Variants in BRWD1 observed in about 807,000 individuals in gnomAD.
The protein encoded by BRWD1 is bromodomain and WD repeat-containing protein 1.
A neutral mutation model predicts 251.2 loss-of-function variants in BRWD1; 82 were observed. The ratio of observed to expected loss-of-function variants is 0.33; its 90% CI spans 0.27 to 0.39. The LOEUF (loss-of-function observed/expected upper bound fraction) is 0.39, where lower values mean the gene tolerates loss of function less well. Among genes scored for constraint, BRWD1 ranks in the 10% least tolerant of loss-of-function variants. The pLI is 1.00. For missense variants in BRWD1, 2,233 were observed against 2,711.6 expected, an observed-to-expected ratio of 0.82 and a Z score of 3.92; for synonymous variants, 918 against 902.8, an observed-to-expected ratio of 1.02 and a Z score of -0.30.
intron 19 of BRWD1, 99 bp downstream of exon 19, chr21:39,255,546 C>T: frequency 1.0e-6 from 1 of 980,708 alleles, no homozygotes; most frequent in East Asian, 2.6e-5. Flanking sequence ...TATATTTATA[C>T]AATTATTTAC....
Position 39,187,095 on chromosome 21 carries a change from C to T in BRWD1, c.*9164G>A, listed in dbSNP as rs778784400. 5.6e-6 allele frequency: 9 copies of T among 1,603,236 alleles called. No homozygotes were observed. Among genetic ancestry groups the T allele is most frequent in the Non-Finnish European group, 6.8e-6 (8 of 1,177,406 alleles). ...GCATTTTTCTATTAATATCTTCTAG[C>T]TCTTTTTCACTTTCAGAATTTATGG... On this transcript the variant is annotated 3_prime_UTR_variant, in exon 41 of 41. Transcript: ENST00000342449.
At chr21:39,266,066 C>A (rs75803927) in intron 15 of BRWD1, among the ~76,000 whole-genome samples, 1 of 152,032 alleles carries the variant, frequency 6.6e-6, no homozygotes, top group Non-Finnish European at 1.5e-5. Flanking sequence ...CTAAATGTTA[C>A]GCGTTCGGTG....
At chr21:39,295,331 C>T (rs370406950) in intron 7 of BRWD1, among the ~76,000 whole-genome samples, 1 of 151,534 alleles carries the variant, frequency 6.6e-6, no homozygotes, top group Non-Finnish European at 1.5e-5. Context: ...GGACTACAGG[C>T]GCCCACCACC....
At chr21:39,284,457 A>C (rs919491758) in intron 8 of BRWD1, among the ~76,000 whole-genome samples, 3 of 152,212 alleles carry the variant, frequency 2.0e-5, no homozygotes, top group Admixed American at 6.5e-5. Flanking sequence ...CAGCCTGGGC[A>C]ACAGAGAGAG....
chr21:39,215,455 T>C, intron 31 of BRWD1, 93 bp from the exon 32 acceptor site: 3 of 1,119,392 alleles, frequency 2.7e-6, no homozygotes, highest in East Asian at 2.4e-5. Flanking sequence ...AACTGTGAAA[T>C]AATAATTAAA....
chr21:39,281,657 C>A (rs1199951403), intron 8 of BRWD1, among the ~76,000 whole-genome samples: 1 of 152,164 alleles, frequency 6.6e-6, no homozygotes, highest in East Asian at 1.9e-4. Context: ...TGGTGAAACA[C>A]CACCTCTACT....
Position 39,270,394 on chromosome 21 carries a change from T to C in BRWD1, c.1284A>G (p.Lys428=), listed in dbSNP as rs2035060335. 6.2e-7 allele frequency: 1 copy of C among 1,612,102 alleles called. No homozygotes were observed. Among genetic ancestry groups the C allele is most frequent in the Non-Finnish European group, 8.5e-7 (1 of 1,179,134 alleles). The part of the protein sequence containing the change: ...SSEEERFMKP[K]VTMIAWNQND... ...TTTGATTCCAAGCTATCATTGTTAC[T>C]TTAGGTTTCATAAACCTTTCCTCTT... is the stretch of plus-strand genomic sequence containing the variant. Residue 428 remains lysine (K), a synonymous_variant, in exon 14 of 41, where the codon AAA becomes AAG. Transcript: ENST00000342449.
At chr21:39,300,366 A>G (rs571764309) in intron 4 of BRWD1, among the ~76,000 whole-genome samples, 14 of 152,334 alleles carry the variant, frequency 9.2e-5, no homozygotes, top group African/African-American at 2.6e-4. Flanking sequence ...AGCAACCTAA[A>G]AAGTTGGCAG....
rs1025523925 is a variant in BRWD1 at position 39,270,301 on chromosome 21, T to C, written c.1377A>G (p.Gln459=). Reference sequence around the variant, plus strand: ...TACCTACCATTAAGTTATGAAGCAGTTGTCCAGTGTAAGAATTCCACACTT... The same window carrying C: ...TACCTACCATTAAGTTATGAAGCAGCTGTCCAGTGTAAGAATTCCACACTT... ...VLKVWNSYTG[Q]LLHNLMGHAD... is the part of the protein sequence containing the mutation. The change falls in exon 14 of 41, where the codon CAA becomes CAG. Residue 459 remains glutamine, a synonymous_variant. Coordinates refer to ENST00000342449, the MANE Select transcript of BRWD1 (RefSeq NM_033656.4). The C allele has an allele frequency of 2.5e-6, 4 of 1,600,102 alleles. No individual in the cohort carries two copies. The highest frequency in any genetic ancestry group is 3.4e-6 in the Non-Finnish European group (4 of 1,174,632).
chr21:39,285,886 A>AG, intron 8 of BRWD1, among the ~76,000 whole-genome samples: 1 of 151,386 alleles, frequency 6.6e-6, no homozygotes, highest in Non-Finnish European at 1.5e-5. Flanking sequence ...AAAAAAAAAA[A>AG]AAAAAAAGAA....
intron 4 of BRWD1, among the ~76,000 whole-genome samples, chr21:39,303,376 G>A (rs114519935): frequency 0.015 from 2,339 of 151,714 alleles, 56 homozygotes; most frequent in African/African-American, 0.053. Flanking sequence ...AAGATTAGCC[G>A]GGCATGGTAG....
chr21:39,306,072 C>A (rs1308763510), intron 4 of BRWD1, among the ~76,000 whole-genome samples: 6 of 136,408 alleles, frequency 4.4e-5, no homozygotes, highest in African/African-American at 1.4e-4. Context: ...CTTTAAGTAT[C>A]TTTTTTTTTT....
chr21:39,231,473 AT>A (rs1018143851), intron 25 of BRWD1, among the ~76,000 whole-genome samples: 19 of 151,046 alleles, frequency 1.3e-4, no homozygotes, highest in Non-Finnish European at 2.2e-4. Context: ...GAATATCTGA[AT>A]TTTTTTTTTC....
chr21:39,266,354 C>T (rs1199565630), intron 15 of BRWD1, among the ~76,000 whole-genome samples: 1 of 152,008 alleles, frequency 6.6e-6, no homozygotes, highest in African/African-American at 2.4e-5. Flanking sequence ...AACATAAGAA[C>T]ATGGTTTCAC....
At position 39,185,807 on chromosome 21, in the gene BRWD1, A is replaced by G. The variant is rs968404448; in HGVS notation, c.*10452T>C. 6 of 152,168 alleles carry G rather than the reference A, an allele frequency of 3.9e-5. No homozygotes were observed. The highest frequency in any genetic ancestry group is 1.2e-4 in the African/African-American group (5 of 41,456). The allele number at this position is 152,168 out of a possible 1,614,324, so 9.4% of individuals were successfully genotyped here. A position where few individuals can be genotyped will look rare whatever the true frequency, so the allele number is the denominator to read the frequency against. On this transcript the variant is annotated 3_prime_UTR_variant, in exon 41 of 41. Transcript: ENST00000342449. The stretch of plus-strand genomic sequence containing the variant: ...TTACACATGCAAATCATATATTCAG[A>G]TATTTTTAAATGGGAAAACAACTTA...
At chr21:39,227,134 C>A (rs541206868) in intron 27 of BRWD1, among the ~76,000 whole-genome samples, 1 of 152,004 alleles carries the variant, frequency 6.6e-6, no homozygotes, top group Non-Finnish European at 1.5e-5. Flanking sequence ...TCAGCCCGGG[C>A]AACAGAGCAA....
chr21:39,273,597 T>G (rs2035186620), intron 13 of BRWD1, among the ~76,000 whole-genome samples: 2 of 151,928 alleles, frequency 1.3e-5, no homozygotes, highest in Admixed American at 1.3e-4. Context: ...TAGCCAGGCA[T>G]GGTGGCTCAT....
chr21:39,290,165 G>A (rs919062949), intron 8 of BRWD1, among the ~76,000 whole-genome samples: 1 of 151,642 alleles, frequency 6.6e-6, no homozygotes, highest in Non-Finnish European at 1.5e-5. Context: ...TCTCTCTTCA[G>A]TTTCATCAGT....
At chr21:39,305,258 C>T (rs1357112952) in intron 4 of BRWD1, among the ~76,000 whole-genome samples, 1 of 152,070 alleles carries the variant, frequency 6.6e-6, no homozygotes, top group African/African-American at 2.4e-5. Flanking sequence ...CACATCTGGC[C>T]GTAGTTGGAG....
Sources: gnomAD v4.1 joint callset for allele counts (sites outside exome capture counted in the v4.1 genomes callset) on GRCh38, gnomAD v4.1.1 for gene constraint, MANE v1.5 for transcripts, NCBI Gene and HGNC (gene_info 2026-07-23, HGNC 2026-07-21) for gene names.